Variants in RALGAPA2 observed in about 807,000 individuals in gnomAD.
RALGAPA2 encodes the protein Ral GTPase activating protein catalytic subunit alpha 2.
A neutral mutation model predicts 230.4 loss-of-function variants in RALGAPA2; 139 were observed. The ratio of observed to expected loss-of-function variants is 0.60; its 90% confidence interval spans 0.53 to 0.69. The LOEUF is 0.69. RALGAPA2 is among the 30% of genes least tolerant of loss of function. RALGAPA2 has a pLI of 0.00. For synonymous variants in RALGAPA2, 847 were observed against 837.8 expected (o/e 1.01, Z -0.19); for missense variants, 2,163 against 2,276.0 (o/e 0.95, Z 1.01).
At chr20:20,555,722 A>C (rs1210206457) in intron 23 of RALGAPA2, among the ~76,000 whole-genome samples, 1 of 152,210 alleles carries the variant, frequency 6.6e-6, no homozygotes, top group African/African-American at 2.4e-5. Flanking sequence ...GTTGTATAAA[A>C]ATACAGTTGA....
chr20:20,486,811 C>T (rs960347961), intron 36 of RALGAPA2, among the ~76,000 whole-genome samples: 4 of 152,238 alleles, frequency 2.6e-5, no homozygotes, highest in Non-Finnish European at 5.9e-5. Flanking sequence ...TCTACTGACA[C>T]ATCCACAGGC....
At chr20:20,668,499 T>A (rs989337028) in intron 3 of RALGAPA2, among the ~76,000 whole-genome samples, 8 of 152,240 alleles carry the variant, frequency 5.3e-5, no homozygotes, top group Non-Finnish European at 1.0e-4. Context: ...TCATTTTATA[T>A]GTCCTTGTCC....
At chr20:20,639,358 A>G (rs905705873) in intron 7 of RALGAPA2, among the ~76,000 whole-genome samples, 1 of 152,244 alleles carries the variant, frequency 6.6e-6, no homozygotes, top group African/African-American at 2.4e-5. Context: ...TCAGTTCTGT[A>G]GGCAATTGGT....
intron 8 of RALGAPA2, 21 bp downstream of exon 8, chr20:20,637,342 C>T (rs776656930): frequency 2.0e-5 from 32 of 1,571,352 alleles, no homozygotes; most frequent in Non-Finnish European, 2.4e-5. Context: ...ATCCTCTATA[C>T]ACGGCTCCAA....
At chr20:20,518,142 G>A (rs1210862013) in intron 31 of RALGAPA2, among the ~76,000 whole-genome samples, 5 of 151,808 alleles carry the variant, frequency 3.3e-5, no homozygotes, top group South Asian at 4.2e-4. Context: ...TGCAACCTCC[G>A]TCTCCCGGGT....
chr20:20,523,575 G>T (rs374612135), intron 30 of RALGAPA2, among the ~76,000 whole-genome samples: 238 of 152,232 alleles, frequency 1.6e-3, no homozygotes, highest in African/African-American at 5.5e-3. Flanking sequence ...AAAATAGCTA[G>T]AAGAGAATAA....
chr20:20,682,585 C>T (rs1568748399), intron 1 of RALGAPA2, among the ~76,000 whole-genome samples: 1 of 152,180 alleles, frequency 6.6e-6, no homozygotes, highest in Non-Finnish European at 1.5e-5. Context: ...TCACAGAACA[C>T]ATCACACTTT....
chr20:20,597,588 T>A (rs376550933), intron 16 of RALGAPA2, among the ~76,000 whole-genome samples: 16 of 152,022 alleles, frequency 1.1e-4, no homozygotes, highest in East Asian at 9.6e-4. Flanking sequence ...TTAAAAAAAA[T>A]ACTAATCTTT....
At chr20:20,444,499 A>G (rs1010510260) in intron 37 of RALGAPA2, among the ~76,000 whole-genome samples, 2 of 152,202 alleles carry the variant, frequency 1.3e-5, no homozygotes, top group Non-Finnish European at 2.9e-5. Flanking sequence ...ATAAAGCTCA[A>G]TGAATTTTCA....
At chr20:20,453,932 T>C (rs1389817092) in intron 37 of RALGAPA2, among the ~76,000 whole-genome samples, 1 of 152,224 alleles carries the variant, frequency 6.6e-6, no homozygotes, top group African/African-American at 2.4e-5. Flanking sequence ...GATTATTTTT[T>C]GTCAAGATTT....
At chr20:20,458,495 T>A (rs1317893169) in intron 37 of RALGAPA2, among the ~76,000 whole-genome samples, 3 of 138,948 alleles carry the variant, frequency 2.2e-5, no homozygotes, top group African/African-American at 8.0e-5. Flanking sequence ...GTATTTTATA[T>A]ATATTATATA....
At chr20:20,549,645 T>A (rs933706889) in intron 23 of RALGAPA2, among the ~76,000 whole-genome samples, 2 of 152,174 alleles carry the variant, frequency 1.3e-5, no homozygotes, top group African/African-American at 4.8e-5. Context: ...TGTATCTTTG[T>A]GATAACATTT....
In RALGAPA2 at chr20:20,591,434, T is replaced by C. The variant is rs2065288701; in HGVS notation, c.2204-120A>G. The C allele has an allele frequency of 2.6e-6, 3 of 1,174,226 alleles. No individual in the cohort carries two copies. The Admixed American group carries it at 7.4e-5, about 29-fold the overall frequency. 72.7% of individuals were successfully genotyped at this position (1,174,226 alleles called of 1,614,324 possible). A position where few individuals can be genotyped will look rare whatever the true frequency, so the allele number is the denominator to read the frequency against. ...AATGCTTTTCACAAATAATTTATAG[T>C]CAGATAATCTGCATTTAAATGATCA... On this transcript the variant is annotated intron_variant, in intron 16 of 39. Transcript: ENST00000202677.
chr20:20,664,270 A>G (rs2067884015), intron 3 of RALGAPA2, among the ~76,000 whole-genome samples: 1 of 152,244 alleles, frequency 6.6e-6, no homozygotes, highest in African/African-American at 2.4e-5. Context: ...GGTACAAAAA[A>G]TGCAACCTTC....
chr20:20,596,557 TG>T (rs1168026612), intron 16 of RALGAPA2, among the ~76,000 whole-genome samples: 2 of 152,164 alleles, frequency 1.3e-5, no homozygotes, highest in African/African-American at 4.8e-5. Flanking sequence ...GTCAGTCTCT[TG>T]ATAGGACAGT....
intron 37 of RALGAPA2, among the ~76,000 whole-genome samples, chr20:20,458,337 C>T (rs2061171656): frequency 1.3e-5 from 2 of 150,244 alleles, no homozygotes; most frequent in Admixed American, 6.7e-5. Flanking sequence ...TGTTTCTAAA[C>T]TTCCAAATAA....
chr20:20,628,883 T>C (rs1033044738), intron 10 of RALGAPA2, among the ~76,000 whole-genome samples: 3 of 152,084 alleles, frequency 2.0e-5, no homozygotes, highest in Non-Finnish European at 4.4e-5. Flanking sequence ...GCCACCTACC[T>C]TTTTCTCTTG....
intron 37 of RALGAPA2, among the ~76,000 whole-genome samples, chr20:20,436,088 A>G (rs1334927453): frequency 6.6e-6 from 1 of 152,190 alleles, no homozygotes; most frequent in Admixed American, 6.5e-5. Context: ...ACAGTAACAG[A>G]TTACTTGGAA....
intron 36 of RALGAPA2, among the ~76,000 whole-genome samples, chr20:20,478,523 G>C (rs2061700007): frequency 6.6e-6 from 1 of 152,008 alleles, no homozygotes. Flanking sequence ...CATGTCCTTT[G>C]CAGCAACATG....
Sources: gnomAD v4.1 joint callset for allele counts (sites outside exome capture counted in the v4.1 genomes callset) on GRCh38, gnomAD v4.1.1 for gene constraint, MANE v1.5 for transcripts, NCBI Gene and HGNC (gene_info 2026-07-23, HGNC 2026-07-21) for gene names.